The following CREB5 variants were observed in gnomAD, a reference collection of about 807,000 sequenced individuals.
CREB5 encodes the protein cyclic AMP-responsive element-binding protein 5.
CREB5 carries 19 observed loss-of-function variants against 57.1 expected under a neutral mutation model. That is an observed-to-expected ratio of 0.33 (90% confidence interval 0.23 to 0.49). The LOEUF (loss-of-function observed/expected upper bound fraction) is 0.49, where lower values mean the gene tolerates loss of function less well. Ranked by LOEUF, CREB5 falls within the 20% of genes least tolerant of loss-of-function variation. The pLI, the probability that CREB5 is intolerant of heterozygous loss-of-function variation, is 0.99. For missense variants in CREB5, 579 were observed against 671.6 expected (o/e 0.86, Z 1.52); for synonymous variants, 238 against 238.3 (o/e 1.00, Z 0.01).
At chr7:28,801,809 G>A (rs777545820) in intron 7 of CREB5, among the ~76,000 whole-genome samples, 7 of 152,008 alleles carry the variant, frequency 4.6e-5, no homozygotes, top group Non-Finnish European at 7.4e-5. Flanking sequence ...AAACATGGCC[G>A]GGTGTGGTGG....
intron 3 of CREB5, among the ~76,000 whole-genome samples, chr7:28,499,612 T>C (rs577207066): frequency 3.0e-4 from 46 of 152,288 alleles, no homozygotes; most frequent in South Asian, 2.1e-3. Context: ...AGATGGAGTT[T>C]CGCTCTCGTT....
At chr7:28,398,721 A>ATTT (rs1309297450) in intron 1 of CREB5, among the ~76,000 whole-genome samples, 1 of 152,048 alleles carries the variant, frequency 6.6e-6, no homozygotes, top group Non-Finnish European at 1.5e-5. Context: ...TATTATTATT[A>ATTT]TTATTTTTGA....
At chr7:28,772,010 A>G (rs1385707197) in intron 7 of CREB5, among the ~76,000 whole-genome samples, 1 of 152,160 alleles carries the variant, frequency 6.6e-6, no homozygotes, top group East Asian at 1.9e-4. Flanking sequence ...GGCCTGGTAA[A>G]AACTGGACAG....
chr7:28,552,204 AT>A (rs1794700057), intron 4 of CREB5, among the ~76,000 whole-genome samples: 1 of 152,016 alleles, frequency 6.6e-6, no homozygotes, highest in South Asian at 2.1e-4. Context: ...TGCCCAGCTA[AT>A]TTTTGTATAT....
intron 1 of CREB5, among the ~76,000 whole-genome samples, chr7:28,342,136 C>G (rs1042647757): frequency 6.6e-6 from 1 of 152,198 alleles, no homozygotes; most frequent in African/African-American, 2.4e-5. Flanking sequence ...TGTCCTGTCC[C>G]CCTCTGCTCT....
At chr7:28,743,027 G>C (rs1181106042) in intron 7 of CREB5, among the ~76,000 whole-genome samples, 1 of 152,140 alleles carries the variant, frequency 6.6e-6, no homozygotes, top group Non-Finnish European at 1.5e-5. Context: ...CAAGTGATCT[G>C]CCGGCGTCGG....
intron 1 of CREB5, among the ~76,000 whole-genome samples, chr7:28,367,668 C>T (rs779767599): frequency 1.3e-5 from 2 of 152,016 alleles, no homozygotes; most frequent in Non-Finnish European, 2.9e-5. Context: ...ATTAGCCAGG[C>T]GTGGCAGCGC....
upstream of CREB5, among the ~76,000 whole-genome samples, chr7:28,412,322 A>ATT (rs11446167): frequency 2.0e-5 from 3 of 150,988 alleles, no homozygotes; most frequent in African/African-American, 7.3e-5. Flanking sequence ...CAGTAGCGAT[A>ATT]TTTTTTTTTA....
At chr7:28,617,716 A>G (rs554460901) in intron 5 of CREB5, among the ~76,000 whole-genome samples, 44 of 152,382 alleles carry the variant, frequency 2.9e-4, no homozygotes, top group Non-Finnish European at 5.9e-4. Flanking sequence ...AGGAGATGTT[A>G]TGAAACAACC....
intron 5 of CREB5, 124 bp downstream of exon 5, chr7:28,570,661 C>G: frequency 9.1e-7 from 1 of 1,094,290 alleles, no homozygotes; most frequent in Non-Finnish European, 1.3e-6. Context: ...TTGCCTAGAG[C>G]TCAGAGTGAT....
intron 1 of CREB5, among the ~76,000 whole-genome samples, chr7:28,350,319 A>G (rs1193919627): frequency 6.6e-6 from 1 of 152,178 alleles, no homozygotes; most frequent in Non-Finnish European, 1.5e-5. Context: ...CTACCTCAGT[A>G]GAGGTGGTGT....
At chr7:28,587,229 G>C (rs1243548705) in intron 5 of CREB5, among the ~76,000 whole-genome samples, 1 of 152,230 alleles carries the variant, frequency 6.6e-6, no homozygotes, top group African/African-American at 2.4e-5. Flanking sequence ...AGTAGTATTA[G>C]AGAATTCTGA....
chr7:28,770,274 T>C (rs904290488), intron 7 of CREB5, among the ~76,000 whole-genome samples: 1 of 152,208 alleles, frequency 6.6e-6, no homozygotes, highest in African/African-American at 2.4e-5. Flanking sequence ...AGGAACAAGC[T>C]CATTGCAGTC....
intron 1 of CREB5, among the ~76,000 whole-genome samples, chr7:28,363,856 G>T (rs1342094459): frequency 2.6e-5 from 4 of 152,110 alleles, no homozygotes; most frequent in Non-Finnish European, 5.9e-5. Context: ...GAATTTGAGG[G>T]GAGAATTGTC....
intron 4 of CREB5, among the ~76,000 whole-genome samples, chr7:28,550,210 C>T (rs1251464599): frequency 1.3e-5 from 2 of 151,880 alleles, no homozygotes; most frequent in African/African-American, 4.8e-5. Flanking sequence ...TCCTCCTCTT[C>T]CTCCTTCTCC....
intron 1 of CREB5, among the ~76,000 whole-genome samples, chr7:28,380,397 T>A (rs1034272882): frequency 1.3e-5 from 2 of 152,214 alleles, no homozygotes; most frequent in African/African-American, 4.8e-5. Context: ...CCATTTATTT[T>A]ATTCTCTGAC....
intron 4 of CREB5, among the ~76,000 whole-genome samples, chr7:28,508,927 A>G (rs1420336166): frequency 1.3e-5 from 2 of 152,214 alleles, no homozygotes; most frequent in East Asian, 3.8e-4. Flanking sequence ...TTAAAAAATT[A>G]ACTTAATAAA....
intron 5 of CREB5, among the ~76,000 whole-genome samples, chr7:28,620,730 C>G (rs1797762098): frequency 6.6e-6 from 1 of 152,132 alleles, no homozygotes; most frequent in Non-Finnish European, 1.5e-5. Context: ...ACGAATTGAC[C>G]TGAATTCAGT....
chr7:28,520,206 A>G (rs771157043), intron 4 of CREB5, among the ~76,000 whole-genome samples: 2 of 152,206 alleles, frequency 1.3e-5, no homozygotes, highest in Non-Finnish European at 2.9e-5. Flanking sequence ...AGTATGAACT[A>G]GCTGACTCAG....
Sources: allele counts gnomAD v4.1 joint callset (sites outside exome capture counted in the v4.1 genomes callset), GRCh38; gene constraint gnomAD v4.1.1; transcripts MANE v1.5; gene names NCBI Gene and HGNC (gene_info 2026-07-23, HGNC 2026-07-21).